IL1RAP: variants seen among roughly 807,000 people sequenced by gnomAD.
IL1RAP encodes the protein interleukin 1 receptor accessory protein.
In IL1RAP, 35 loss-of-function variants were observed where a neutral mutation model predicts 60.7. The observed-to-expected ratio is 0.58, with a 90% confidence interval of 0.44 to 0.76. IL1RAP has a LOEUF of 0.76. IL1RAP is among the 30% of genes least tolerant of loss of function. IL1RAP has a pLI of 0.00. For synonymous variants in IL1RAP, 268 were observed against 250.9 expected (o/e 1.07, Z -0.64); for missense variants, 572 against 693.9 (o/e 0.82, Z 1.97).
At chr3:190,588,913 TA>T (rs1053641796) in intron 3 of IL1RAP, among the ~76,000 whole-genome samples, 1 of 152,196 alleles carries the variant, frequency 6.6e-6, no homozygotes, top group African/African-American at 2.4e-5. Context: ...AAGTCCAGTA[TA>T]AACTCTTATT....
exon 12 of IL1RAP, chr3:190,656,745 A>C (rs1238781917): frequency 4.9e-6 from 3 of 607,902 alleles, no homozygotes; most frequent in African/African-American, 1.9e-5. Flanking sequence ...AAAACTATTT[A>C]TTTCTAGGAG....
At chr3:190,643,152 A>G (rs1733776686) in intron 9 of IL1RAP, among the ~76,000 whole-genome samples, 1 of 152,218 alleles carries the variant, frequency 6.6e-6, no homozygotes, top group African/African-American at 2.4e-5. Context: ...ACAAATTACA[A>G]TATAATAAGT....
At chr3:190,602,592 A>T (rs1729956809) in intron 3 of IL1RAP, among the ~76,000 whole-genome samples, 1 of 152,192 alleles carries the variant, frequency 6.6e-6, no homozygotes, top group Non-Finnish European at 1.5e-5. Flanking sequence ...AAAAAAAGAA[A>T]CTATGGAATT....
At chr3:190,521,890 A>C (rs933861652) in intron 1 of IL1RAP, among the ~76,000 whole-genome samples, 4 of 152,102 alleles carry the variant, frequency 2.6e-5, no homozygotes, top group Non-Finnish European at 5.9e-5. Context: ...GTTAATCTCC[A>C]TAGTTTTCTA....
rs765671784 is a variant in IL1RAP at position 190,639,815 on chromosome 3, A to G, written c.1052-4433A>G. 5.3e-5 allele frequency among the ~76,000 whole-genome samples: 8 copies of G among 152,206 alleles called. No homozygotes were observed. In the East Asian group the frequency reaches 5.8e-4, roughly 11 times the overall value. On this transcript the variant is annotated intron_variant, in intron 9 of 11. Transcript: ENST00000447382. ...TTATCTTTGTTAAAGCAGGTCTAAA[A>G]TAGCCTTTTCTGTAAGGTTAGATTG...
At chr3:190,653,325 C>T (rs1430093890), downstream of IL1RAP, among the ~76,000 whole-genome samples, 1 of 152,136 alleles carries the variant, frequency 6.6e-6, no homozygotes, top group Non-Finnish European at 1.5e-5. Context: ...CACATGTAGG[C>T]ATCTAATTTG....
At chr3:190,560,532 G>T (rs1725796486) in intron 2 of IL1RAP, among the ~76,000 whole-genome samples, 1 of 152,156 alleles carries the variant, frequency 6.6e-6, no homozygotes, top group African/African-American at 2.4e-5. Context: ...GGCCTAAGTG[G>T]GTGTTTTCTG....
chr3:190,651,538 TGTCATTTG>T (rs561911823), downstream of IL1RAP: 169 of 297,978 alleles, frequency 5.7e-4, no homozygotes, highest in African/African-American at 3.6e-3. Context: ...ATGTGTTTTA[TGTCATTTG>T]GTCATTTGGT....
At chr3:190,601,432 T>C (rs947500906) in intron 3 of IL1RAP, among the ~76,000 whole-genome samples, 1 of 152,264 alleles carries the variant, frequency 6.6e-6, no homozygotes, top group African/African-American at 2.4e-5. Flanking sequence ...TATTTCTCTG[T>C]ATGTTTTTTA....
At chr3:190,528,446 T>C (rs1417522580) in intron 1 of IL1RAP, among the ~76,000 whole-genome samples, 1 of 152,216 alleles carries the variant, frequency 6.6e-6, no homozygotes, top group African/African-American at 2.4e-5. Context: ...ATGGCTGCTA[T>C]AGAAACAGTC....
At chr3:190,627,471 G>C (rs1301347076) in intron 8 of IL1RAP, 22 bp downstream of exon 8, 1 of 1,604,076 alleles carries the variant, frequency 6.2e-7, no homozygotes, top group African/African-American at 1.3e-5. Flanking sequence ...GCCAGCAAGG[G>C]AGTGATTAAC....
chr3:190,527,826 TACAC>T (rs10602405), intron 1 of IL1RAP, among the ~76,000 whole-genome samples: 16,264 of 139,544 alleles, frequency 0.12, 957 homozygotes, highest in African/African-American at 0.15. Context: ...AGGAAAGGTC[TACAC>T]ACACACACAC....
chr3:190,642,756 A>C (rs1463929224), intron 9 of IL1RAP, among the ~76,000 whole-genome samples: 1 of 152,202 alleles, frequency 6.6e-6, no homozygotes, highest in Non-Finnish European at 1.5e-5. Flanking sequence ...TTAGAATATT[A>C]GCCACAAAAG....
rs1244236726 is a variant in IL1RAP at position 190,644,409 on chromosome 3, A to C, written c.1201+12A>C. 6.2e-7 allele frequency: 1 copy of C among 1,600,904 alleles called. No individual in the cohort carries two copies. Among genetic ancestry groups the C allele is most frequent in the South Asian group, 1.1e-5 (1 of 90,764 alleles). ...TGAAACCATTTTAGGTAAGTAACAG[A>C]AATTTGACATAAACCTCTTCTACTG... On this transcript the variant is annotated intron_variant, in intron 10 of 11. Coordinates refer to ENST00000447382, the MANE Select transcript of IL1RAP (RefSeq NM_002182.4).
intron 3 of IL1RAP, among the ~76,000 whole-genome samples, chr3:190,594,244 G>C (rs570016435): frequency 6.6e-6 from 1 of 152,292 alleles, no homozygotes; most frequent in South Asian, 2.1e-4. Flanking sequence ...TGATGATGCT[G>C]GTGGGTTGAG....
At position 190,647,544 on chromosome 3, in the gene IL1RAP, C is replaced by T. The variant is rs1231953786; in HGVS notation, c.1346-794C>T. On this transcript the variant is annotated intron_variant, in intron 11 of 11. Transcript: ENST00000447382. ...GTTTTCCTGCTTTTTCTTCTTTTTT[C>T]GTTGAAGAAAGCATTTGCCTGTTAG... is the stretch of plus-strand genomic sequence containing the variant. 3.3e-5 allele frequency among the ~76,000 whole-genome samples: 5 copies of T among 151,978 alleles called. No homozygotes were observed. The East Asian group carries it at 7.7e-4, about 23-fold the overall frequency.
At chr3:190,607,123 C>G (rs773115348) in intron 4 of IL1RAP, among the ~76,000 whole-genome samples, 1 of 152,026 alleles carries the variant, frequency 6.6e-6, no homozygotes, top group Non-Finnish European at 1.5e-5. Context: ...CCCTCCCTCC[C>G]TCTTTGAGAG....
intron 3 of IL1RAP, among the ~76,000 whole-genome samples, chr3:190,573,273 ACT>A (rs1727156217): frequency 6.6e-6 from 1 of 152,038 alleles, no homozygotes. Flanking sequence ...AAAGTGTAAG[ACT>A]CTGGACCCCC....
At chr3:190,566,990 T>C (rs1577610695) in intron 3 of IL1RAP, among the ~76,000 whole-genome samples, 1 of 152,342 alleles carries the variant, frequency 6.6e-6, no homozygotes, top group East Asian at 1.9e-4. Flanking sequence ...CTGAAAACCC[T>C]AAAGCAATCT....
Sources: allele counts gnomAD v4.1 joint callset (sites outside exome capture counted in the v4.1 genomes callset), GRCh38; gene constraint gnomAD v4.1.1; transcripts MANE v1.5; gene names NCBI Gene and HGNC (gene_info 2026-07-23, HGNC 2026-07-21).